The following SPACA6 variants were observed in gnomAD, a reference collection of about 807,000 sequenced individuals.
The protein encoded by SPACA6 is sperm acrosome associated 6.
For synonymous variants in SPACA6, 6 were observed against 1.5 expected (o/e 4.05, Z -2.21); for missense variants, 8 against 2.8 (o/e 2.88, Z -1.34).
At chr19:51,705,453 A>G (rs924523278), downstream of SPACA6, 8 of 232,814 alleles carry the variant, frequency 3.4e-5, no homozygotes, top group Middle Eastern at 1.3e-3. Context: ...CCTACCAGAA[A>G]GAGCAACACC....
chr19:51,683,299 C>G, the SPACA6 span, among the ~76,000 whole-genome samples: 1 of 152,116 alleles, frequency 6.6e-6, no homozygotes, highest in Non-Finnish European at 1.5e-5. Flanking sequence ...TATCAGATTA[C>G]CAGTCATTGG....
chr19:51,702,469 G>T (rs996600410), intron 3 of SPACA6, 160 bp from the exon 4 acceptor site: 1 of 393,632 alleles, frequency 2.5e-6, no homozygotes, highest in African/African-American at 2.1e-5. Context: ...CCGGCCCCAG[G>T]TGGAACCCAG....
upstream of SPACA6, among the ~76,000 whole-genome samples, chr19:51,684,670 G>A (rs1363671872): frequency 6.6e-6 from 1 of 152,136 alleles, no homozygotes; most frequent in Admixed American, 6.5e-5. Context: ...GTCTTGGGCT[G>A]CACATAAAAT....
chr19:51,709,876 T>G (rs2083534231), downstream of SPACA6, among the ~76,000 whole-genome samples: 1 of 152,084 alleles, frequency 6.6e-6, no homozygotes, highest in Admixed American at 6.6e-5. Context: ...TGGTTCAGAA[T>G]GTTGGATGAG....
At chr19:51,687,049 G>C (rs1473571063), upstream of SPACA6, 2 of 152,070 alleles carry the variant, frequency 1.3e-5, no homozygotes, top group Non-Finnish European at 2.9e-5. Context: ...ATCACTTGAG[G>C]TCAGAAGTTC....
At position 51,703,892 on chromosome 19, in the gene SPACA6, G is replaced by C. The variant is rs2083490590; in HGVS notation, c.574-138G>C. 2.5e-6 allele frequency: 1 copy of C among 397,626 alleles called. No homozygotes were observed. The highest frequency in any genetic ancestry group is 4.4e-6 in the Non-Finnish European group (1 of 226,004). 24.6% of individuals were successfully genotyped at this position (397,626 alleles called of 1,614,324 possible). A position where few individuals can be genotyped will look rare whatever the true frequency, so the allele number is the denominator to read the frequency against. Reference sequence around the variant, plus strand: ...AGGGGAAGGGGTGCGTTTAGGGCAGGGGAGCGAGAAGGCTCGGGGGCGGGC... The same window carrying C: ...AGGGGAAGGGGTGCGTTTAGGGCAGCGGAGCGAGAAGGCTCGGGGGCGGGC... On this transcript the variant is annotated intron_variant, in intron 6 of 8. Coordinates refer to ENST00000637797, the MANE Select transcript of SPACA6 (RefSeq NM_001316972.2). This position sits in a 1 kb window ranked among gnomAD's most constrained non-coding sequence, Gnocchi z 4.2.
intron 1 of SPACA6, chr19:51,694,260 C>G (rs1451782936): frequency 5.8e-6 from 2 of 347,756 alleles, no homozygotes; most frequent in Non-Finnish European, 1.0e-5. Context: ...GAGGCAGAGA[C>G]TAGGGGAAGC....
intron 1 of SPACA6, chr19:51,694,028 G>A: frequency 3.4e-6 from 1 of 292,232 alleles, no homozygotes; most frequent in Non-Finnish European, 6.3e-6. Flanking sequence ...GACTCGGAAA[G>A]ATGGAGACTC....
chr19:51,687,600 A>G (rs1372343247), upstream of SPACA6: 2 of 152,110 alleles, frequency 1.3e-5, no homozygotes, highest in Non-Finnish European at 2.9e-5. Context: ...GGAAAGATAC[A>G]TAAGAAATTA....
intron 2 of SPACA6, among the ~76,000 whole-genome samples, chr19:51,700,676 GAC>G (rs1468879579): frequency 6.6e-6 from 1 of 152,094 alleles, no homozygotes; most frequent in African/African-American, 2.4e-5. Flanking sequence ...GGATCCAGAG[GAC>G]ACAGTGCTAC....
chr19:51,705,889 G>A (rs1471272265), downstream of SPACA6, among the ~76,000 whole-genome samples: 1 of 152,010 alleles, frequency 6.6e-6, no homozygotes, highest in East Asian at 1.9e-4. Flanking sequence ...TAGAGACAGG[G>A]TTTCACCATG....
chr19:51,696,850 A>G (rs759686526), intron 2 of SPACA6, among the ~76,000 whole-genome samples: 2 of 152,210 alleles, frequency 1.3e-5, no homozygotes, highest in Non-Finnish European at 2.9e-5. Context: ...AGCCATGCAG[A>G]TAATCTGTGG....
chr19:51,709,351 C>T (rs1365711622), downstream of SPACA6, among the ~76,000 whole-genome samples: 2 of 151,724 alleles, frequency 1.3e-5, no homozygotes, highest in East Asian at 3.9e-4. Flanking sequence ...AACCCCATCT[C>T]TCCTAAAAAT....
Position 51,693,384 on chromosome 19 carries a change from A to T in SPACA6, c.-143A>T. ...TTGCTGGCCTGACTTCTGACCCCTG[A>T]CTCCTCATACCCTTCCTCCAGAGCA... On this transcript the variant is annotated 5_prime_UTR_variant, in exon 1 of 9. Coordinates refer to ENST00000637797, the MANE Select transcript of SPACA6 (RefSeq NM_001316972.2). 1.4e-6 allele frequency: 1 copy of T among 692,492 alleles called. No homozygotes were observed. Among genetic ancestry groups the T allele is most frequent in the Non-Finnish European group, 2.7e-6 (1 of 364,004 alleles). 42.9% of individuals were successfully genotyped at this position (692,492 alleles called of 1,614,324 possible). A position where few individuals can be genotyped will look rare whatever the true frequency, so the allele number is the denominator to read the frequency against.
chr19:51,711,584 C>T (rs1265861341), intron 2 of SPACA6, among the ~76,000 whole-genome samples: 1 of 152,188 alleles, frequency 6.6e-6, no homozygotes, highest in Non-Finnish European at 1.5e-5. Flanking sequence ...CCAAAACTTG[C>T]ACACGAATGT....
rs1379966551 is a variant in SPACA6 at position 51,705,186 on chromosome 19, C to T, written c.*63C>T. ...CCTGAAAATAAAGAATATATTTCAA[C>T]TCTAGATTGTTTCATCTCCGAAGGT... On this transcript the variant is annotated 3_prime_UTR_variant, in exon 9 of 9. Transcript: ENST00000637797. The T allele has an allele frequency of 1.0e-5, 4 of 401,060 alleles. No individual in the cohort carries two copies. The highest frequency in any genetic ancestry group is 2.1e-5 in the African/African-American group (1 of 48,716). 24.8% of individuals were successfully genotyped at this position (401,060 alleles called of 1,614,324 possible).
intron 2 of SPACA6, among the ~76,000 whole-genome samples, chr19:51,700,771 G>A (rs2083462735): frequency 1.3e-5 from 2 of 152,196 alleles, no homozygotes; most frequent in Non-Finnish European, 2.9e-5. Flanking sequence ...AGACAGATGA[G>A]AGCTAGGAAT....
downstream of SPACA6, among the ~76,000 whole-genome samples, chr19:51,709,820 G>A (rs1351665111): frequency 6.6e-6 from 1 of 152,170 alleles, no homozygotes; most frequent in Non-Finnish European, 1.5e-5. Flanking sequence ...GTGAGGAGCA[G>A]TGGCTCTAGA....
At chr19:51,690,040 A>G (rs1467708885), upstream of SPACA6, among the ~76,000 whole-genome samples, 1 of 59,524 alleles carries the variant, frequency 1.7e-5, no homozygotes. Context: ...GAGGAGGGGG[A>G]GGTTGTCTGG....
Sources: gnomAD v4.1 joint callset for allele counts (sites outside exome capture counted in the v4.1 genomes callset) on GRCh38, gnomAD v4.1.1 for gene constraint, Gnocchi (gnomAD v3.1) non-coding constraint, MANE v1.5 for transcripts, NCBI Gene and HGNC (gene_info 2026-07-23, HGNC 2026-07-21) for gene names.